The following GFRA1 variants were observed in gnomAD, a reference collection of about 807,000 sequenced individuals.
The protein encoded by GFRA1 is GDNF family receptor alpha-1.
A neutral mutation model predicts 51.6 loss-of-function variants in GFRA1; 16 were observed. The observed-to-expected ratio is 0.31, with a 90% CI of 0.21 to 0.47. The LOEUF (loss-of-function observed/expected upper bound fraction) is 0.47. GFRA1 is among the 20% of genes least tolerant of loss of function. GFRA1 has a pLI of 1.00. For synonymous variants in GFRA1, 270 were observed against 241.3 expected (o/e 1.12, Z -1.10); for missense variants, 530 against 594.3 (o/e 0.89, Z 1.13).
chr10:116,093,376 A>G (rs929887980), intron 8 of GFRA1, among the ~76,000 whole-genome samples: 2 of 152,216 alleles, frequency 1.3e-5, no homozygotes, highest in African/African-American at 4.8e-5. Flanking sequence ...TGCGGGTAGA[A>G]GCGTTCTTTC....
chr10:116,113,755 C>T (rs781047359), intron 6 of GFRA1, among the ~76,000 whole-genome samples: 1 of 152,158 alleles, frequency 6.6e-6, no homozygotes, highest in Non-Finnish European at 1.5e-5. Context: ...TTGGTTCCAG[C>T]GGCACCACTT....
At chr10:116,160,775 G>A (rs1270616476) in intron 5 of GFRA1, among the ~76,000 whole-genome samples, 4 of 152,122 alleles carry the variant, frequency 2.6e-5, no homozygotes, top group African/African-American at 9.7e-5. Flanking sequence ...GGACCACCAG[G>A]CACACAGCCA....
intron 4 of GFRA1, among the ~76,000 whole-genome samples, chr10:116,215,849 A>G (rs1250439690): frequency 1.3e-5 from 2 of 152,124 alleles, no homozygotes; most frequent in Admixed American, 1.3e-4. Flanking sequence ...ACATGGACAA[A>G]GGAAAGCCTG....
intron 5 of GFRA1, among the ~76,000 whole-genome samples, chr10:116,205,594 A>AAAG (rs1491162844): frequency 4.6e-4 from 15 of 32,842 alleles, no homozygotes; most frequent in African/African-American, 4.5e-3. Context: ...GGAAAAAAAA[A>AAAG]AGATATATAT....
intron 4 of GFRA1, among the ~76,000 whole-genome samples, chr10:116,259,222 C>T (rs4285797): frequency 0.99 from 151,223 of 152,294 alleles, 75,088 homozygotes; most frequent in East Asian, 1. Context: ...ATGGTGCTTC[C>T]TACACAGTTC....
chr10:116,255,535 T>C, intron 4 of GFRA1: 2 of 1,100,468 alleles, frequency 1.8e-6, no homozygotes, highest in Non-Finnish European at 2.3e-6. Flanking sequence ...GTTTCCACCA[T>C]GTTCACATCC....
chr10:116,096,672 G>A lies in GFRA1; in HGVS notation c.863C>T (p.Ala288Val), dbSNP rs1249204580. ...LKENYADCLL[A>V]YSGLIGTVMT... Reference sequence around the variant, plus strand: ...GATCTTACCAATAAGCCCCGAGTAGGCGAGGAGGCAGTCAGCGTAGTTTTC... The same window carrying A: ...GATCTTACCAATAAGCCCCGAGTAGACGAGGAGGCAGTCAGCGTAGTTTTC... Residue 288 changes from alanine (A) to valine (V), a missense_variant, in exon 7 of 11, where the codon GCC becomes GTC. Physicochemically the swap from Ala to Val is moderately conservative, Grantham distance 64. Coordinates refer to ENST00000355422, the MANE Select transcript of GFRA1 (RefSeq NM_005264.8). 3.8e-6 allele frequency: 6 copies of A among 1,595,036 alleles called. No homozygotes were observed. The highest frequency in any genetic ancestry group is 2.2e-5 in the East Asian group (1 of 44,762).
chr10:116,178,522 T>A (rs1050166803), intron 5 of GFRA1, among the ~76,000 whole-genome samples: 11 of 152,184 alleles, frequency 7.2e-5, no homozygotes, highest in Non-Finnish European at 5.9e-5. Flanking sequence ...AGGGATGCAA[T>A]CTATGCTTTC....
chr10:116,262,976 A>T (rs1317782706), intron 4 of GFRA1, among the ~76,000 whole-genome samples: 1 of 152,208 alleles, frequency 6.6e-6, no homozygotes, highest in Non-Finnish European at 1.5e-5. Context: ...AGCTGCAACC[A>T]ACTCACTTCC....
chr10:116,219,154 CT>C (rs1216901607), intron 4 of GFRA1, among the ~76,000 whole-genome samples: 19 of 152,292 alleles, frequency 1.2e-4, no homozygotes, highest in African/African-American at 4.3e-4. Context: ...TGGTGAGCCC[CT>C]ATCATTTTTA....
chr10:116,111,254 G>C (rs1175980981), intron 6 of GFRA1, among the ~76,000 whole-genome samples: 1 of 152,168 alleles, frequency 6.6e-6, no homozygotes, highest in Non-Finnish European at 1.5e-5. Context: ...CTGAGGCCAA[G>C]GTCAACTTAG....
chr10:116,166,041 A>G (rs1960363857), intron 5 of GFRA1, among the ~76,000 whole-genome samples: 2 of 152,192 alleles, frequency 1.3e-5, no homozygotes, highest in African/African-American at 4.8e-5. Flanking sequence ...AAGTGAGAAC[A>G]TGCAGTATTT....
intron 6 of GFRA1, among the ~76,000 whole-genome samples, chr10:116,110,595 G>C (rs1402640759): frequency 6.6e-6 from 1 of 152,180 alleles, no homozygotes; most frequent in Non-Finnish European, 1.5e-5. Context: ...AAGGCTTCCA[G>C]GATGGACTCA....
At chr10:116,160,882 A>C (rs1342852773) in intron 5 of GFRA1, among the ~76,000 whole-genome samples, 1 of 152,192 alleles carries the variant, frequency 6.6e-6, no homozygotes, top group Non-Finnish European at 1.5e-5. Flanking sequence ...CCTGTCAATA[A>C]CAACAATAAA....
chr10:116,101,820 A>G (rs1018272207), intron 6 of GFRA1, among the ~76,000 whole-genome samples: 1 of 152,152 alleles, frequency 6.6e-6, no homozygotes, highest in African/African-American at 2.4e-5. Context: ...GTTGAATGGG[A>G]TCCAGGCTCC....
rs555369069 is a variant in GFRA1, at chr10:116,064,033, T to A, written c.*365A>T. On this transcript the variant is annotated 3_prime_UTR_variant, in exon 11 of 11. Coordinates refer to ENST00000355422, the MANE Select transcript of GFRA1 (RefSeq NM_005264.8). ...CTAGGAAAGGCCAGAAGTAAAACTG[T>A]TAAAATCATCATCATGATCATGATG... The A allele has an allele frequency of 2.6e-3, 510 of 198,862 alleles. 4 individuals carry two copies. The highest frequency in any genetic ancestry group is 0.012 in the African/African-American group (481 of 40,024). 12.3% of individuals were successfully genotyped at this position (198,862 alleles called of 1,614,324 possible).
intron 9 of GFRA1, among the ~76,000 whole-genome samples, chr10:116,070,626 A>AT (rs1955338004): frequency 6.6e-6 from 1 of 152,220 alleles, no homozygotes; most frequent in African/African-American, 2.4e-5. Flanking sequence ...GTAATACTAT[A>AT]TAACAATTCT....
intron 9 of GFRA1, among the ~76,000 whole-genome samples, chr10:116,075,487 C>T (rs1489098028): frequency 6.6e-6 from 1 of 152,106 alleles, no homozygotes; most frequent in Non-Finnish European, 1.5e-5. Flanking sequence ...TTATAACACT[C>T]CTGGGCAGTA....
intron 5 of GFRA1, among the ~76,000 whole-genome samples, chr10:116,139,806 C>T (rs1958486302): frequency 6.6e-6 from 1 of 152,212 alleles, no homozygotes; most frequent in African/African-American, 2.4e-5. Context: ...CCTGCTCCAT[C>T]GGAGCACAGC....
Sources: gnomAD v4.1 joint callset for allele counts (sites outside exome capture counted in the v4.1 genomes callset) on GRCh38, gnomAD v4.1.1 for gene constraint, MANE v1.5 for transcripts, NCBI Gene and HGNC (gene_info 2026-07-23, HGNC 2026-07-21) for gene names.